Variants in NCEH1 observed in about 807,000 individuals in gnomAD.
NCEH1 encodes the protein neutral cholesterol ester hydrolase 1, also known as 2-acetyl MAGE hydrolase.
Under a neutral mutation model 25.4 loss-of-function variants are expected in NCEH1, and 9 were observed. That is an observed-to-expected ratio of 0.35 (90% CI 0.21 to 0.62). The LOEUF (loss-of-function observed/expected upper bound fraction) is 0.62. Ranked by LOEUF, NCEH1 falls within the 20% of genes least tolerant of loss-of-function variation. The pLI is 0.72. For missense variants in NCEH1, 412 were observed against 501.1 expected (o/e 0.82, Z 1.70); for synonymous variants, 200 against 199.8 (o/e 1.00, Z -0.01).
At chr3:172,704,269 A>G (rs930864040) in intron 1 of NCEH1, among the ~76,000 whole-genome samples, 3 of 152,258 alleles carry the variant, frequency 2.0e-5, no homozygotes, top group Non-Finnish European at 4.4e-5. Context: ...CTAGTCCAAA[A>G]GCACTGTCAC....
At chr3:172,634,191 C>CA (rs1560176663) in intron 4 of NCEH1, 99 bp from the exon 5 acceptor site, 6 of 1,150,212 alleles carry the variant, frequency 5.2e-6, no homozygotes, top group Non-Finnish European at 7.4e-6. Context: ...CTGAATCTGT[C>CA]AATGGTATAA....
chr3:172,687,220 C>A (rs951912016), intron 1 of NCEH1, among the ~76,000 whole-genome samples: 95 of 152,136 alleles, frequency 6.2e-4, no homozygotes, highest in African/African-American at 2.2e-3. Flanking sequence ...TTGGCCCCTG[C>A]GTGATACTAT....
At position 172,630,963 on chromosome 3, in the gene NCEH1, T is replaced by G. The variant is rs1351128884; in HGVS notation, c.*2512A>C. 1 of 151,518 alleles carries G rather than the reference T, an allele frequency of 6.6e-6. No homozygotes were observed. Among genetic ancestry groups the G allele is most frequent in the Non-Finnish European group, 1.5e-5 (1 of 67,870 alleles). The allele number at this position is 151,518 out of a possible 1,614,324, so 9.4% of individuals were successfully genotyped here. A position where few individuals can be genotyped will look rare whatever the true frequency, so the allele number is the denominator to read the frequency against. On this transcript the variant is annotated 3_prime_UTR_variant, in exon 5 of 5. Coordinates refer to ENST00000475381, the MANE Select transcript of NCEH1 (RefSeq NM_020792.6). The stretch of plus-strand genomic sequence containing the variant: ...TTAATGTTTATATTTCACAGACAAT[T>G]TTACAAAAAGATTATCATTTTTTTC...
At chr3:172,696,652 AAC>A (rs1713395037) in intron 1 of NCEH1, among the ~76,000 whole-genome samples, 1 of 152,224 alleles carries the variant, frequency 6.6e-6, no homozygotes, top group African/African-American at 2.4e-5. Flanking sequence ...CCGGGATTTG[AAC>A]ACAAGTCTCC....
At chr3:172,650,758 G>A (rs1428875252) in intron 1 of NCEH1, among the ~76,000 whole-genome samples, 3 of 142,492 alleles carry the variant, frequency 2.1e-5, no homozygotes, top group African/African-American at 8.0e-5. Context: ...GTTGCAGTCA[G>A]CCGAGACTGT....
intron 1 of NCEH1, among the ~76,000 whole-genome samples, chr3:172,701,574 C>T (rs920571545): frequency 3.4e-4 from 51 of 150,844 alleles, no homozygotes; most frequent in African/African-American, 1.2e-3. Context: ...CTCAGCCTCC[C>T]GAGTAGCTGG....
chr3:172,657,476 A>G (rs1378300156), intron 1 of NCEH1, among the ~76,000 whole-genome samples: 2 of 152,086 alleles, frequency 1.3e-5, no homozygotes, highest in Non-Finnish European at 2.9e-5. Flanking sequence ...ATCAAACCCT[A>G]TTAACTCCAC....
At position 172,631,381 on chromosome 3, in the gene NCEH1, A is replaced by AT. The variant is rs879761635; in HGVS notation, c.*2093dup. 2,309 of 146,760 alleles carry AT rather than the reference A, an allele frequency of 0.016. 34 individuals carry two copies. Among genetic ancestry groups the AT allele is most frequent in the African/African-American group, 0.039 (1,595 of 40,396 alleles). The allele number at this position is 146,760 out of a possible 1,614,324, so 9.1% of individuals were successfully genotyped here. On this transcript the variant is annotated 3_prime_UTR_variant, in exon 5 of 5. Transcript: ENST00000475381. ...ATCACAGAATAAGAACTAAAATCCC[A>AT]TTTTTTTTTTTTAGGAAAAAAAGAC...
Position 172,633,652 on chromosome 3 carries a change from G to A in NCEH1, c.1050C>T (p.Leu350=), listed in dbSNP as rs1475884669. ...TGGCATACATGATGCCATCGTCTCT[G>A]AGGACATCATGCTCACACGTCAGAA... ...TYILTCEHDV[L]RDDGIMYAKR... is the part of the protein sequence containing the mutation. Residue 350 remains leucine (L), a synonymous_variant, in exon 5 of 5, where the codon CTC becomes CTT. Coordinates refer to ENST00000475381, the MANE Select transcript of NCEH1 (RefSeq NM_020792.6). The A allele has an allele frequency of 6.8e-6, 11 of 1,614,086 alleles. No homozygotes were observed. The Admixed American group carries it at 1.8e-4, about 27-fold the overall frequency.
chr3:172,694,378 A>ATGTGTGTGTGTGTGTG (rs369794698), intron 1 of NCEH1, among the ~76,000 whole-genome samples: 26 of 151,348 alleles, frequency 1.7e-4, no homozygotes, highest in African/African-American at 5.8e-4. Context: ...AGTTATATAT[A>ATGTGTGTGTGTGTGTG]TGTGTGTGTG....
intron 1 of NCEH1, among the ~76,000 whole-genome samples, chr3:172,656,278 A>C (rs1004293771): frequency 2.0e-5 from 3 of 152,224 alleles, no homozygotes; most frequent in Non-Finnish European, 2.9e-5. Context: ...CAAGAGAGAG[A>C]CAAAGTTACA....
chr3:172,647,726 C>T (rs918565513), intron 2 of NCEH1, 160 bp downstream of exon 2: 3 of 853,546 alleles, frequency 3.5e-6, no homozygotes, highest in East Asian at 2.7e-5. Context: ...AAAGGGGGCA[C>T]TAGTCATAAT....
At chr3:172,701,466 T>TTTTTTTTTTTAA (rs1159407444) in intron 1 of NCEH1, among the ~76,000 whole-genome samples, 3 of 143,590 alleles carry the variant, frequency 2.1e-5, no homozygotes, top group African/African-American at 5.6e-5. Context: ...TTTTTTTTTT[T>TTTTTTTTTTTAA]AAAGACGGAG....
At chr3:172,701,616 G>GTTTTTTTTTT (rs60219751) in intron 1 of NCEH1, among the ~76,000 whole-genome samples, 63 of 110,722 alleles carry the variant, frequency 5.7e-4, no homozygotes, top group East Asian at 1.6e-3. Flanking sequence ...TGCCCAGCTA[G>GTTTTTTTTTT]TTTTTTTTTT....
chr3:172,643,919 G>A (rs1212681614), intron 3 of NCEH1, among the ~76,000 whole-genome samples: 1 of 152,194 alleles, frequency 6.6e-6, no homozygotes, highest in African/African-American at 2.4e-5. Flanking sequence ...CTGGCCAGCT[G>A]CTCAGGCCAA....
At position 172,699,777 on chromosome 3, in the gene NCEH1, ATTGC is replaced by A. The variant is rs1713582507; in HGVS notation, c.138+11066_138+11069del. Among the ~76,000 whole-genome samples the A allele has an allele frequency of 2.0e-5, 3 of 152,240 alleles. No homozygotes were observed. In the East Asian group the frequency reaches 5.8e-4, roughly 29 times the overall value. On this transcript the variant is annotated intron_variant, in intron 1 of 4. Coordinates refer to ENST00000475381, the MANE Select transcript of NCEH1 (RefSeq NM_020792.6). ...CTACTTGGGAGGCTGAGGTGGGAAG[ATTGC>A]TTGAACCTGGGGAGGCAGAGGTTGC... is the stretch of plus-strand genomic sequence containing the variant.
At chr3:172,660,493 T>C (rs1292328628) in intron 1 of NCEH1, among the ~76,000 whole-genome samples, 2 of 152,222 alleles carry the variant, frequency 1.3e-5, no homozygotes, top group Non-Finnish European at 2.9e-5. Context: ...ATATACGCAG[T>C]AATGGGATTG....
intron 1 of NCEH1, among the ~76,000 whole-genome samples, chr3:172,695,700 T>G (rs914805168): frequency 6.6e-6 from 1 of 152,138 alleles, no homozygotes; most frequent in African/African-American, 2.4e-5. Flanking sequence ...TCCCAGCACT[T>G]TGGGAGGCCG....
rs951010071 is a variant in NCEH1, at chr3:172,702,535, C to T, written c.138+8312G>A. ...TTCTCAAGATTAGGTATCTGCCTTA[C>T]ACATTTCTGTTTTGCCAGACCAGCT... On this transcript the variant is annotated intron_variant, in intron 1 of 4. Transcript: ENST00000475381. Among the ~76,000 whole-genome samples, 157 of 152,342 alleles carry T rather than the reference C, an allele frequency of 1.0e-3. 1 individual carries two copies. The highest frequency in any genetic ancestry group is 3.6e-3 in the African/African-American group (149 of 41,558).
Sources: gnomAD v4.1 joint callset for allele counts (sites outside exome capture counted in the v4.1 genomes callset) on GRCh38, gnomAD v4.1.1 for gene constraint, MANE v1.5 for transcripts, NCBI Gene and HGNC (gene_info 2026-07-23, HGNC 2026-07-21) for gene names.